ITPR2: variants seen among roughly 807,000 people sequenced by gnomAD.
The protein encoded by ITPR2 is inositol 1,4,5-trisphosphate receptor type 2.
In ITPR2, 207 loss-of-function variants were observed where a neutral mutation model predicts 317.1. The observed-to-expected ratio is 0.65, with a 90% CI of 0.58 to 0.73. ITPR2 has a LOEUF of 0.73. Among genes scored for constraint, ITPR2 ranks in the 30% least tolerant of loss-of-function variants. The pLI is 0.00. For missense variants in ITPR2, 2,613 were observed against 3,284.0 expected (o/e 0.80, Z 4.99); for synonymous variants, 1,156 against 1,149.1 (o/e 1.01, Z -0.12).
At chr12:26,717,648 T>C (rs1200249368) in intron 5 of ITPR2, among the ~76,000 whole-genome samples, 4 of 152,200 alleles carry the variant, frequency 2.6e-5, no homozygotes, top group Non-Finnish European at 1.5e-5. Flanking sequence ...TGTAGTATGC[T>C]ATCATTCGTG....
intron 54 of ITPR2, among the ~76,000 whole-genome samples, chr12:26,396,005 T>C (rs1395872750): frequency 6.6e-6 from 1 of 152,184 alleles, no homozygotes; most frequent in Non-Finnish European, 1.5e-5. Flanking sequence ...AAGTATTCAA[T>C]AAATAATCAT....
chr12:26,353,272 T>A (rs1370763959), intron 55 of ITPR2, among the ~76,000 whole-genome samples: 3 of 152,244 alleles, frequency 2.0e-5, no homozygotes, highest in Non-Finnish European at 4.4e-5. Context: ...ATTTTGGTGA[T>A]CAAAGTCCTC....
At chr12:26,495,799 G>T (rs997519509) in intron 37 of ITPR2, among the ~76,000 whole-genome samples, 1 of 152,082 alleles carries the variant, frequency 6.6e-6, no homozygotes, top group Admixed American at 6.6e-5. Flanking sequence ...GAAAGCAAAG[G>T]GCTTAGGTAG....
chr12:26,529,601 G>A (rs939839216), intron 37 of ITPR2, among the ~76,000 whole-genome samples: 2 of 152,070 alleles, frequency 1.3e-5, no homozygotes, highest in African/African-American at 4.8e-5. Context: ...CTATAATCAC[G>A]CTGCCTGGGT....
At chr12:26,709,674 T>C (rs2137019339) in intron 9 of ITPR2, among the ~76,000 whole-genome samples, 1 of 152,304 alleles carries the variant, frequency 6.6e-6, no homozygotes, top group East Asian at 1.9e-4. Context: ...GCTTGAAAAG[T>C]GAACAGGGGA....
Position 26,683,231 on chromosome 12 carries a change from TG to T in ITPR2, c.1149-559del, listed in dbSNP as rs1948069248. Among the ~76,000 whole-genome samples, 4 of 152,328 alleles carry T rather than the reference TG, an allele frequency of 2.6e-5. No homozygotes were observed. The South Asian group carries it at 8.3e-4, about 32-fold the overall frequency. ...CCCAAATCAATATTCAAGGAGCTTT[TG>T]TGGTCATTCCAGAACATACATAGAG... is the stretch of plus-strand genomic sequence containing the variant. On this transcript the variant is annotated intron_variant, in intron 11 of 56. Transcript: ENST00000381340.
intron 1 of ITPR2, among the ~76,000 whole-genome samples, chr12:26,825,551 G>A (rs531785367): frequency 1.3e-5 from 2 of 152,026 alleles, no homozygotes; most frequent in Non-Finnish European, 2.9e-5. Context: ...AGCGCTACCT[G>A]TGCACAAAGA....
intron 45 of ITPR2, among the ~76,000 whole-genome samples, chr12:26,459,336 T>G (rs1941960179): frequency 6.6e-6 from 1 of 152,242 alleles, no homozygotes; most frequent in South Asian, 2.1e-4. Context: ...CTGCTTAAGA[T>G]AGAGATGGCT....
intron 45 of ITPR2, among the ~76,000 whole-genome samples, chr12:26,458,062 G>A (rs1403621743): frequency 6.6e-6 from 1 of 152,202 alleles, no homozygotes; most frequent in Non-Finnish European, 1.5e-5. Context: ...GTTTGGTGAG[G>A]AGACAGACAG....
At chr12:26,813,745 A>G (rs1371108520) in intron 1 of ITPR2, among the ~76,000 whole-genome samples, 1 of 152,220 alleles carries the variant, frequency 6.6e-6, no homozygotes, top group Admixed American at 6.5e-5. Context: ...CCTTTCCATC[A>G]GGAAGTGTAC....
chr12:26,642,178 T>C (rs1446606197), intron 21 of ITPR2, among the ~76,000 whole-genome samples: 1 of 152,196 alleles, frequency 6.6e-6, no homozygotes, highest in East Asian at 1.9e-4. Flanking sequence ...CTAGCCATTG[T>C]TTTCATGTCT....
chr12:26,682,576 T>C lies in ITPR2; in HGVS notation c.1246A>G (p.Lys416Glu). Residue 416 changes from lysine (K) to glutamate (E), a missense_variant and splice_region_variant, in exon 12 of 57, where the codon AAG becomes GAG. This residue lies in a region of ITPR2 where 515 missense variants were observed against 789.4 expected (regional missense o/e 0.65). Coordinates refer to ENST00000381340, the MANE Select transcript of ITPR2 (RefSeq NM_002223.4). ...AAACCATCTTCAGTGACATTTACCT[T>C]TAACATAACAGGCCTCTCTTCATCT... Reference protein sequence around the residue: ...DTDEERPVMLKIGTCQTKEDK... With the variant: ...DTDEERPVMLEIGTCQTKEDK... 1 of 1,595,428 alleles carries C rather than the reference T, an allele frequency of 6.3e-7. No individual in the cohort carries two copies. The highest frequency in any genetic ancestry group is 2.2e-5 in the East Asian group (1 of 44,756).
chr12:26,684,226 T>C (rs1195836028), intron 11 of ITPR2, among the ~76,000 whole-genome samples: 2 of 152,198 alleles, frequency 1.3e-5, no homozygotes, highest in African/African-American at 2.4e-5. Context: ...TGATTTAGTA[T>C]AGAATAAAGT....
In ITPR2 at chr12:26,434,152, G is replaced by A. The variant is rs563303962; in HGVS notation, c.6769+2069C>T. Among the ~76,000 whole-genome samples the A allele has an allele frequency of 2.6e-5, 4 of 152,074 alleles. No individual in the cohort carries two copies. The South Asian group carries it at 6.2e-4, about 24-fold the overall frequency. ...CCGTTATTTCAAGTCCTTTTTTAAC[G>A]ACCAGTTGCACCAGCAATACCTGGT... is the stretch of plus-strand genomic sequence containing the variant. On this transcript the variant is annotated intron_variant, in intron 48 of 56. Transcript: ENST00000381340.
chr12:26,430,312 G>A (rs1291372266), intron 48 of ITPR2, among the ~76,000 whole-genome samples: 1 of 152,220 alleles, frequency 6.6e-6, no homozygotes, highest in Non-Finnish European at 1.5e-5. Context: ...CACCCAGGCT[G>A]GAGTGCAGTG....
intron 26 of ITPR2, among the ~76,000 whole-genome samples, chr12:26,615,522 T>C (rs1161603142): frequency 6.6e-6 from 1 of 152,184 alleles, no homozygotes; most frequent in Non-Finnish European, 1.5e-5. Context: ...ATATGTACTA[T>C]ATAGTAATAT....
intron 2 of ITPR2, among the ~76,000 whole-genome samples, chr12:26,732,990 A>C (rs527573030): frequency 6.6e-6 from 1 of 152,166 alleles, no homozygotes; most frequent in Non-Finnish European, 1.5e-5. Flanking sequence ...TAAAGACTGA[A>C]TTGTTAAAGC....
chr12:26,461,162 TGTCTATGG>T (rs1453576920), intron 45 of ITPR2, among the ~76,000 whole-genome samples: 1 of 152,196 alleles, frequency 6.6e-6, no homozygotes, highest in Admixed American at 6.5e-5. Context: ...TATGTCACTC[TGTCTATGG>T]GTATGTGTGT....
chr12:26,603,227 G>A (rs544040496), intron 26 of ITPR2, among the ~76,000 whole-genome samples: 12 of 151,798 alleles, frequency 7.9e-5, no homozygotes, highest in South Asian at 2.1e-4. Flanking sequence ...TCACGACTCC[G>A]GGCCAACATA....
Sources: allele counts gnomAD v4.1 joint callset (sites outside exome capture counted in the v4.1 genomes callset), GRCh38; gene constraint gnomAD v4.1.1; regional missense constraint gnomAD v4.1.1; transcripts MANE v1.5; gene names NCBI Gene and HGNC (gene_info 2026-07-23, HGNC 2026-07-21).